The following ASTN2 variants were observed in gnomAD, a reference collection of about 807,000 sequenced individuals.
ASTN2 encodes the protein astrotactin 2.
In ASTN2, 54 loss-of-function variants were observed where a neutral mutation model predicts 139.8. The ratio of observed to expected loss-of-function variants is 0.39; its 90% CI spans 0.31 to 0.48. The LOEUF is 0.48. Among genes scored for constraint, ASTN2 ranks in the 20% least tolerant of loss-of-function variants. The pLI is 0.95. For synonymous variants in ASTN2, 756 were observed against 719.5 expected (o/e 1.05, Z -0.81); for missense variants, 1,565 against 1,725.1 (o/e 0.91, Z 1.64).
intron 10 of ASTN2, among the ~76,000 whole-genome samples, chr9:116,894,257 G>A (rs1353240365): frequency 6.6e-6 from 1 of 152,188 alleles, no homozygotes; most frequent in African/African-American, 2.4e-5. Context: ...GTGGTAGGTA[G>A]GGACAGGGTG....
intron 4 of ASTN2, among the ~76,000 whole-genome samples, chr9:117,101,023 G>A (rs918215755): frequency 1.3e-5 from 2 of 152,198 alleles, no homozygotes; most frequent in Admixed American, 1.3e-4. Flanking sequence ...TCAGCTCAAT[G>A]GTTATTATTG....
Position 117,098,466 on chromosome 9 carries a change from A to T in ASTN2, c.1169-2315T>A, listed in dbSNP as rs542838268. Reference sequence around the variant, plus strand: ...CTCCCCACACCCATCCTTCCTTAAGACGGTATGTTCTAATGAGTGGGAAAG... The same window carrying T: ...CTCCCCACACCCATCCTTCCTTAAGTCGGTATGTTCTAATGAGTGGGAAAG... On this transcript the variant is annotated intron_variant, in intron 4 of 22. Coordinates refer to ENST00000313400, the MANE Select transcript of ASTN2 (RefSeq NM_001365068.1). 1.8e-3 allele frequency among the ~76,000 whole-genome samples: 274 copies of T among 152,226 alleles called. 1 individual carries two copies. Among genetic ancestry groups the T allele is most frequent in the Admixed American group, 4.2e-3 (64 of 15,274 alleles).
intron 1 of ASTN2, among the ~76,000 whole-genome samples, chr9:117,293,299 T>C (rs1834641141): frequency 6.6e-6 from 1 of 152,128 alleles, no homozygotes; most frequent in East Asian, 1.9e-4. Flanking sequence ...ACTCTCTTCT[T>C]CCACCCTTGT....
At chr9:117,410,754 CT>C (rs1831136559) in intron 1 of ASTN2, among the ~76,000 whole-genome samples, 1 of 152,142 alleles carries the variant, frequency 6.6e-6, no homozygotes, top group Admixed American at 6.5e-5. Context: ...ACAGAGATGC[CT>C]TCCTTCCCTG....
intron 10 of ASTN2, among the ~76,000 whole-genome samples, chr9:116,935,075 A>G (rs945950554): frequency 6.6e-6 from 1 of 152,212 alleles, no homozygotes; most frequent in African/African-American, 2.4e-5. Context: ...GGAGTTACGC[A>G]TTAGGAGTAA....
At chr9:117,281,480 C>G (rs574137114) in intron 2 of ASTN2, among the ~76,000 whole-genome samples, 1 of 152,284 alleles carries the variant, frequency 6.6e-6, no homozygotes, top group Admixed American at 6.5e-5. Context: ...CAAATCAAAG[C>G]TCACTTTCCA....
intron 12 of ASTN2, among the ~76,000 whole-genome samples, chr9:116,806,239 T>C (rs1831025459): frequency 6.6e-6 from 1 of 152,178 alleles, no homozygotes; most frequent in Non-Finnish European, 1.5e-5. Flanking sequence ...TTTATCATCC[T>C]GGTAGCTCAG....
intron 2 of ASTN2, among the ~76,000 whole-genome samples, chr9:117,281,187 C>G (rs1476444402): frequency 2.0e-5 from 3 of 152,162 alleles, no homozygotes; most frequent in Non-Finnish European, 4.4e-5. Context: ...TCCCTGGGCA[C>G]CTTGCTGATG....
chr9:116,433,256 T>C (rs1847551923), intron 22 of ASTN2, among the ~76,000 whole-genome samples: 1 of 152,138 alleles, frequency 6.6e-6, no homozygotes, highest in African/African-American at 2.4e-5. Flanking sequence ...TTCAAAAAAA[T>C]AAAACATTTA....
chr9:116,470,196 A>G (rs111750063), intron 20 of ASTN2, among the ~76,000 whole-genome samples: 18,778 of 152,028 alleles, frequency 0.12, 1,326 homozygotes, highest in Middle Eastern at 0.18. Context: ...AGAGCGAGAC[A>G]CCATATCAAA....
chr9:116,946,936 C>CAAAAAAAAAAAAAAAAAAAAA (rs3983292), intron 10 of ASTN2, among the ~76,000 whole-genome samples: 31 of 127,934 alleles, frequency 2.4e-4, no homozygotes, highest in African/African-American at 9.5e-4. Flanking sequence ...ACATTTTTGT[C>CAAAAAAAAAAAAAAAAAAAAA]AAAAAAAAAA....
chr9:116,979,562 C>A (rs1836450356), intron 7 of ASTN2, among the ~76,000 whole-genome samples: 1 of 152,104 alleles, frequency 6.6e-6, no homozygotes. Context: ...GCAACAGTCC[C>A]TTCATGAAAT....
At chr9:116,933,976 GTCCT>G (rs199555870) in intron 10 of ASTN2, among the ~76,000 whole-genome samples, 2 of 36,586 alleles carry the variant, frequency 5.5e-5, no homozygotes, top group African/African-American at 1.8e-4. Flanking sequence ...CGAAGTGTTA[GTCCT>G]TTTTTTTTTT....
At chr9:117,304,527 C>T (rs895948283) in intron 1 of ASTN2, among the ~76,000 whole-genome samples, 6 of 152,116 alleles carry the variant, frequency 3.9e-5, no homozygotes, top group African/African-American at 1.2e-4. Context: ...GGGATCCTGC[C>T]GTATTTCCCT....
chr9:116,438,609 G>T (rs200497642), intron 22 of ASTN2, among the ~76,000 whole-genome samples: 1 of 152,176 alleles, frequency 6.6e-6, no homozygotes, highest in Non-Finnish European at 1.5e-5. Flanking sequence ...AAAGTGGCTA[G>T]ATTAGCTCTT....
chr9:116,916,522 C>G (rs1011934004), intron 10 of ASTN2, among the ~76,000 whole-genome samples: 6 of 152,090 alleles, frequency 3.9e-5, no homozygotes, highest in Non-Finnish European at 7.3e-5. Flanking sequence ...ACACCTGGAC[C>G]CTTTGGCCTA....
intron 2 of ASTN2, among the ~76,000 whole-genome samples, chr9:117,220,673 A>G (rs1832484052): frequency 6.6e-6 from 1 of 152,128 alleles, no homozygotes; most frequent in Admixed American, 6.5e-5. Context: ...AAGGCATGGG[A>G]CAGATTCTCC....
intron 19 of ASTN2, among the ~76,000 whole-genome samples, chr9:116,557,019 G>A (rs112176183): frequency 1.3e-5 from 2 of 151,630 alleles, no homozygotes; most frequent in African/African-American, 2.4e-5. Context: ...TTAGGAGATC[G>A]AGACCATCTG....
chr9:117,055,312 G>A (rs1374500327), intron 5 of ASTN2, among the ~76,000 whole-genome samples: 2 of 152,176 alleles, frequency 1.3e-5, no homozygotes, highest in Non-Finnish European at 2.9e-5. Context: ...TGAACCATTA[G>A]GTATATCAAG....
Sources: allele counts gnomAD v4.1 joint callset (sites outside exome capture counted in the v4.1 genomes callset), GRCh38; gene constraint gnomAD v4.1.1; transcripts MANE v1.5; gene names NCBI Gene and HGNC (gene_info 2026-07-23, HGNC 2026-07-21).